ZRANB3: variants seen among roughly 807,000 people sequenced by gnomAD.
ZRANB3 encodes zinc finger RANBP2-type containing 3.
A neutral mutation model predicts 133.8 loss-of-function variants in ZRANB3; 125 were observed. The ratio of observed to expected loss-of-function variants is 0.93; its 90% CI spans 0.81 to 1.08. The LOEUF is 1.08. ZRANB3 is among the 50% of genes least tolerant of loss of function. The pLI is 0.00. For missense variants in ZRANB3, 1,229 were observed against 1,275.5 expected (o/e 0.96, Z 0.56); for synonymous variants, 387 against 432.7 (o/e 0.89, Z 1.31).
At chr2:135,333,027 G>A (rs1414059135) in intron 6 of ZRANB3, among the ~76,000 whole-genome samples, 1 of 152,216 alleles carries the variant, frequency 6.6e-6, no homozygotes, top group African/African-American at 2.4e-5. Flanking sequence ...GCTGCTGGGT[G>A]TGGCTGGAGA....
chr2:135,392,079 T>C (rs971899177), intron 2 of ZRANB3, among the ~76,000 whole-genome samples: 4 of 151,920 alleles, frequency 2.6e-5, no homozygotes, highest in Non-Finnish European at 5.9e-5. Flanking sequence ...ACAGCAAACA[T>C]ATGATAAGGG....
chr2:135,227,913 T>G lies in ZRANB3; in HGVS notation c.2057A>C (p.Lys686Thr). ...AGGTTCTGACTGTGCAAGGGCTTGTTTTTCACAGTCTGAGATAGTTTGAAC... is the reference window on the plus strand; with the variant it reads ...AGGTTCTGACTGTGCAAGGGCTTGTGTTTCACAGTCTGAGATAGTTTGAAC... ...KKVQTISDCE[K>T]QALAQSEPGQ... is the part of the protein sequence containing the mutation. The change falls in exon 14 of 21, where the codon AAA (lysine) becomes ACA (threonine). Residue 686 changes from lysine (K) to threonine (T), a missense_variant. Transcript: ENST00000264159. 1 of 1,560,078 alleles carries G rather than the reference T, an allele frequency of 6.4e-7. No individual in the cohort carries two copies. Among genetic ancestry groups the G allele is most frequent in the South Asian group, 1.2e-5 (1 of 84,566 alleles).
At chr2:135,519,302 G>A (rs538029919) in intron 1 of ZRANB3, among the ~76,000 whole-genome samples, 12 of 152,030 alleles carry the variant, frequency 7.9e-5, no homozygotes, top group African/African-American at 1.4e-4. Context: ...ACAATTTCCC[G>A]TGAATTTACA....
At chr2:135,524,418 C>G (rs531752458) in intron 1 of ZRANB3, among the ~76,000 whole-genome samples, 2 of 152,066 alleles carry the variant, frequency 1.3e-5, no homozygotes, top group African/African-American at 2.4e-5. Flanking sequence ...TTTAACAAAG[C>G]ATAGAATGAC....
At position 135,219,102 on chromosome 2, in the gene ZRANB3, A is replaced by G; in HGVS notation, c.2327T>C (p.Phe776Ser). Residue 776 changes from phenylalanine (F) to serine (S), a missense_variant, in exon 16 of 21, where the codon TTT becomes TCT. Phe to Ser is a radical substitution (Grantham distance 155, BLOSUM62 -2). Transcript: ENST00000264159. ...LDLWEDLPAS[F>S]QLKQYRSLIL... Reference sequence around the variant, plus strand: ...CAGTGAGCGATATTGTTTCAGCTGAAAGCTTGCTGGTAAATCTTCCCAAAG... The same window carrying G: ...CAGTGAGCGATATTGTTTCAGCTGAGAGCTTGCTGGTAAATCTTCCCAAAG... 3 of 1,526,462 alleles carry G rather than the reference A, an allele frequency of 2.0e-6. No homozygotes were observed. The highest frequency in any genetic ancestry group is 1.8e-6 in the Non-Finnish European group (2 of 1,142,182). The allele number at this position is 1,526,462 out of a possible 1,614,324, so 94.6% of individuals were successfully genotyped here. A position where few individuals can be genotyped will look rare whatever the true frequency, so the allele number is the denominator to read the frequency against.
At chr2:135,244,290 T>C (rs111699651) in intron 12 of ZRANB3, among the ~76,000 whole-genome samples, 9 of 151,602 alleles carry the variant, frequency 5.9e-5, no homozygotes, top group African/African-American at 2.2e-4. Context: ...GGACAACATA[T>C]CAAAACCCCA....
intron 1 of ZRANB3, among the ~76,000 whole-genome samples, chr2:135,527,604 T>C (rs961781667): frequency 6.6e-6 from 1 of 152,150 alleles, no homozygotes; most frequent in African/African-American, 2.4e-5. Flanking sequence ...TATGCGTTTT[T>C]AACACAATAA....
intron 3 of ZRANB3, among the ~76,000 whole-genome samples, chr2:135,355,727 A>T (rs2104879799): frequency 6.6e-6 from 1 of 152,288 alleles, no homozygotes. Context: ...ACTCTGCCAA[A>T]AACAGACTTC....
At chr2:135,529,566 G>A (rs575951378) in intron 1 of ZRANB3, among the ~76,000 whole-genome samples, 2 of 152,022 alleles carry the variant, frequency 1.3e-5, no homozygotes, top group Non-Finnish European at 2.9e-5. Flanking sequence ...GCAGTGGCGC[G>A]ATCTCGGGTC....
intron 5 of ZRANB3, among the ~76,000 whole-genome samples, chr2:135,348,677 C>T (rs1410739218): frequency 6.6e-6 from 1 of 152,116 alleles, no homozygotes; most frequent in Non-Finnish European, 1.5e-5. Flanking sequence ...TCACTGCAAC[C>T]TCTGCCTCCT....
intron 6 of ZRANB3, among the ~76,000 whole-genome samples, chr2:135,330,415 G>A (rs760492813): frequency 5.3e-5 from 8 of 152,126 alleles, no homozygotes; most frequent in African/African-American, 1.2e-4. Flanking sequence ...TGACTTGATC[G>A]TGGTGGATAA....
intron 9 of ZRANB3, among the ~76,000 whole-genome samples, chr2:135,272,206 T>C (rs976365389): frequency 2.0e-5 from 3 of 152,192 alleles, no homozygotes; most frequent in Admixed American, 2.0e-4. Context: ...GCTAATGTTG[T>C]CTTCAGTAAA....
chr2:135,513,324 C>A lies in ZRANB3; in HGVS notation c.-7-8828G>T, dbSNP rs140229395. Among the ~76,000 whole-genome samples, 39 of 152,232 alleles carry A rather than the reference C, an allele frequency of 2.6e-4. No individual in the cohort carries two copies. In the East Asian group the frequency reaches 7.3e-3, roughly 29 times the overall value. On this transcript the variant is annotated intron_variant, in intron 1 of 20. Transcript: ENST00000264159. ...GGTTGTAAAATTTACTACAAAGTGA[C>A]AATAATCAAGGCAGTGTAGCACTAC...
rs1440094421 is a variant in ZRANB3, at chr2:135,315,471, T to C, written c.737A>G (p.His246Arg). 1.3e-6 allele frequency: 2 copies of C among 1,595,116 alleles called. No individual in the cohort carries two copies. Among genetic ancestry groups the C allele is most frequent in the East Asian group, 2.3e-5 (1 of 43,738 alleles). ...CRGASNLNEL[H>R]QLLSDIMIRR... ...AATCATTATGTCACTTAATAGCTGG[T>C]GAAGTTCATTAAGATTTGATGCCCC... Residue 246 changes from histidine (H) to arginine (R), a missense_variant, in exon 7 of 21, where the codon CAC (histidine) becomes CGC (arginine). Physicochemically the swap from His to Arg is conservative, Grantham distance 29. Transcript: ENST00000264159.
chr2:135,385,733 T>C (rs538029791), intron 3 of ZRANB3, among the ~76,000 whole-genome samples: 95 of 152,142 alleles, frequency 6.2e-4, no homozygotes, highest in African/African-American at 2.2e-3. Context: ...AAACAAAAAA[T>C]GGGGAAAGGA....
intron 2 of ZRANB3, among the ~76,000 whole-genome samples, chr2:135,487,064 C>G (rs1692155994): frequency 6.6e-6 from 1 of 152,198 alleles, no homozygotes; most frequent in Non-Finnish European, 1.5e-5. Context: ...GTCAAAATTA[C>G]TCCTGGATAC....
At chr2:135,246,293 AAG>A (rs971955756) in intron 12 of ZRANB3, among the ~76,000 whole-genome samples, 30 of 152,198 alleles carry the variant, frequency 2.0e-4, no homozygotes, top group African/African-American at 6.7e-4. Flanking sequence ...ATAAAAGAAG[AAG>A]GTGACCTTAA....
Position 135,197,810 on chromosome 2 carries a change from C to G in ZRANB3, c.*2532G>C, listed in dbSNP as rs1288355099. 1 of 152,440 alleles carries G rather than the reference C, an allele frequency of 6.6e-6. No homozygotes were observed. The highest frequency in any genetic ancestry group is 1.5e-5 in the Non-Finnish European group (1 of 68,214). 9.4% of individuals were successfully genotyped at this position (152,440 alleles called of 1,614,324 possible). A position where few individuals can be genotyped will look rare whatever the true frequency, so the allele number is the denominator to read the frequency against. On this transcript the variant is annotated 3_prime_UTR_variant, in exon 21 of 21. Transcript: ENST00000264159. Reference sequence around the variant, plus strand: ...CTTCGTCACCTACCACTTCCCAGCTCTGTTCCCTGGACCCAGAGCCTTTTT... The same window carrying G: ...CTTCGTCACCTACCACTTCCCAGCTGTGTTCCCTGGACCCAGAGCCTTTTT...
chr2:135,311,677 G>A (rs992070861), intron 8 of ZRANB3, among the ~76,000 whole-genome samples: 6 of 152,092 alleles, frequency 3.9e-5, no homozygotes, highest in Non-Finnish European at 8.8e-5. Context: ...TAGAGCCCAG[G>A]TGTTCGAAAC....
Sources: allele counts gnomAD v4.1 joint callset (sites outside exome capture counted in the v4.1 genomes callset), GRCh38; gene constraint gnomAD v4.1.1; transcripts MANE v1.5; gene names NCBI Gene and HGNC (gene_info 2026-07-23, HGNC 2026-07-21).